RYR2: variants seen among roughly 807,000 people sequenced by gnomAD.
RYR2 encodes the protein ryanodine receptor 2.
RYR2 carries 227 observed loss-of-function variants against 601.1 expected under a neutral mutation model. The ratio of observed to expected loss-of-function variants is 0.38; its 90% CI spans 0.34 to 0.42. The LOEUF is 0.42. RYR2 is among the 10% of genes least tolerant of loss of function. The pLI is 1.00. For missense variants in RYR2, 4,646 were observed against 6,156.5 expected (o/e 0.75, Z 8.21); for synonymous variants, 2,223 against 2,175.1 (o/e 1.02, Z -0.61).
chr1:237,317,290 C>A lies in RYR2; in HGVS notation c.169-13588C>A, dbSNP rs12095128. The stretch of plus-strand genomic sequence containing the variant: ...TAATGGTAAGATCTGTTCAAAGGCA[C>A]GTCAACATGGTCAAAATTAGTTATA... On this transcript the variant is annotated intron_variant, in intron 2 of 104. Transcript: ENST00000366574. Among the ~76,000 whole-genome samples, 108 of 152,286 alleles carry A rather than the reference C, an allele frequency of 7.1e-4. 1 individual carries two copies. The highest frequency in any genetic ancestry group is 2.4e-3 in the African/African-American group (98 of 41,562).
rs150558717 is a variant in RYR2, at chr1:237,244,411, G to T, written c.49-26086G>T. On this transcript the variant is annotated intron_variant, in intron 1 of 104. Coordinates refer to ENST00000366574, the MANE Select transcript of RYR2 (RefSeq NM_001035.3). ...CCCCAAATGGCATGTTCAGAATGGC[G>T]GCTCCATCTGCCCTTCTCTCTATCA... is the stretch of plus-strand genomic sequence containing the variant. Among the ~76,000 whole-genome samples the T allele has an allele frequency of 8.6e-4, 131 of 152,150 alleles. 1 individual carries two copies. Among genetic ancestry groups the T allele is most frequent in the African/African-American group, 3.1e-3 (130 of 41,518 alleles).
intron 10 of RYR2, among the ~76,000 whole-genome samples, chr1:237,391,577 G>A (rs1366390608): frequency 6.6e-6 from 1 of 152,120 alleles, no homozygotes; most frequent in Admixed American, 6.5e-5. Context: ...GGTCATAAAT[G>A]CTGTGTTTCT....
chr1:237,584,324 G>C lies in RYR2; in HGVS notation c.3599-5469G>C, dbSNP rs554471396. Among the ~76,000 whole-genome samples, 11 of 152,212 alleles carry C rather than the reference G, an allele frequency of 7.2e-5. No individual in the cohort carries two copies. The East Asian group carries it at 2.1e-3, about 29-fold the overall frequency. The stretch of plus-strand genomic sequence containing the variant: ...GTGATGTCATTTACCAACCTGTTTT[G>C]TTCAATTTATGCCAAACATTCCATC... On this transcript the variant is annotated intron_variant, in intron 29 of 104. Transcript: ENST00000366574.
At chr1:237,690,318 A>G (rs1032045779) in intron 63 of RYR2, among the ~76,000 whole-genome samples, 1 of 152,178 alleles carries the variant, frequency 6.6e-6, no homozygotes, top group African/African-American at 2.4e-5. Flanking sequence ...TGATTTGGAC[A>G]AGGGACTTAA....
At chr1:237,149,611 G>C (rs751673960) in intron 1 of RYR2, among the ~76,000 whole-genome samples, 3 of 151,492 alleles carry the variant, frequency 2.0e-5, no homozygotes, top group Non-Finnish European at 4.4e-5. Flanking sequence ...GTGGAATGAA[G>C]GCTTTTTTCT....
chr1:237,130,187 C>T (rs533966613), intron 1 of RYR2, among the ~76,000 whole-genome samples: 1 of 151,812 alleles, frequency 6.6e-6, no homozygotes, highest in Non-Finnish European at 1.5e-5. Context: ...TATGTCAAAA[C>T]ATCACGTTGT....
In RYR2 at chr1:237,118,988, T is replaced by G. The variant is rs182489116; in HGVS notation, c.48+76419T>G. 4.1e-3 allele frequency among the ~76,000 whole-genome samples: 627 copies of G among 152,186 alleles called. 3 individuals are homozygous for G. The highest frequency in any genetic ancestry group is 0.015 in the African/African-American group (604 of 41,518). On this transcript the variant is annotated intron_variant, in intron 1 of 104. Transcript: ENST00000366574. ...AAACCATTCTGACTGGGTGAAGAAG[T>G]CTATTTCTAATGTGGGGGGTATGGG... is the stretch of plus-strand genomic sequence containing the variant.
chr1:237,752,497 T>C (rs2149250169), intron 80 of RYR2, among the ~76,000 whole-genome samples: 1 of 151,924 alleles, frequency 6.6e-6, no homozygotes, highest in East Asian at 1.9e-4. Flanking sequence ...GAACCACTCG[T>C]TTTAAACAAA....
At chr1:237,364,397 A>G (rs1355272413) in intron 5 of RYR2, 25 bp downstream of exon 5, 3 of 1,325,508 alleles carry the variant, frequency 2.3e-6, no homozygotes, top group African/African-American at 1.5e-5. Context: ...TATATATGCT[A>G]TGTATATATA....
At chr1:237,531,430 A>G (rs1407034387) in intron 25 of RYR2, among the ~76,000 whole-genome samples, 1 of 152,184 alleles carries the variant, frequency 6.6e-6, no homozygotes, top group Non-Finnish European at 1.5e-5. Flanking sequence ...TTTCTTATTT[A>G]TTTAAACTTA....
chr1:237,638,846 C>A (rs920374778), intron 45 of RYR2, among the ~76,000 whole-genome samples, 169 bp from the exon 46 acceptor site: 2 of 152,120 alleles, frequency 1.3e-5, no homozygotes, highest in African/African-American at 4.8e-5. Context: ...GCAAAATTTA[C>A]TGTGTCTCAT....
chr1:237,608,897 A>C (rs1677470246), intron 35 of RYR2, among the ~76,000 whole-genome samples: 1 of 147,634 alleles, frequency 6.8e-6, no homozygotes, highest in Admixed American at 7.0e-5. Flanking sequence ...ATTGACTTCT[A>C]CTGACATTTT....
intron 29 of RYR2, among the ~76,000 whole-genome samples, chr1:237,582,124 C>T (rs1673976588): frequency 6.6e-6 from 1 of 151,766 alleles, no homozygotes; most frequent in Non-Finnish European, 1.5e-5. Context: ...TTTTTTGAGA[C>T]AGAGTGTTGC....
At chr1:237,798,776 T>TCA (rs72164792) in intron 97 of RYR2, among the ~76,000 whole-genome samples, 1,365 of 135,324 alleles carry the variant, frequency 0.01, 10 homozygotes, top group African/African-American at 0.015. Flanking sequence ...AATTTAAATG[T>TCA]CACACACACA....
At chr1:237,376,033 A>T (rs373752834) in intron 7 of RYR2, among the ~76,000 whole-genome samples, 1 of 152,304 alleles carries the variant, frequency 6.6e-6, no homozygotes, top group South Asian at 2.1e-4. Context: ...CTTCATCAGA[A>T]TTAAACTCAC....
At chr1:237,831,375 A>G (rs1663767441) in intron 103 of RYR2, 139 bp from the exon 104 acceptor site, 1 of 579,820 alleles carries the variant, frequency 1.7e-6, no homozygotes, top group Non-Finnish European at 3.0e-6. Context: ...TGGTACACTA[A>G]TTTTTCCAAA....
rs1667481018 is a variant in RYR2 at position 237,096,141 on chromosome 1, A to C, written c.48+53572A>C. On this transcript the variant is annotated intron_variant, in intron 1 of 104. Transcript: ENST00000366574. The stretch of plus-strand genomic sequence containing the variant: ...TCCTGGATTTCTGGGTGGGAGGAAT[A>C]AAAACCGGATTGGACAGTGTCGTCC... 3.9e-5 allele frequency among the ~76,000 whole-genome samples: 6 copies of C among 152,308 alleles called. No individual in the cohort carries two copies. In the South Asian group the frequency reaches 1.2e-3, roughly 32 times the overall value.
chr1:237,303,361 G>A (rs977116603), intron 2 of RYR2, among the ~76,000 whole-genome samples: 1 of 138,646 alleles, frequency 7.2e-6, no homozygotes, highest in East Asian at 2.1e-4. Flanking sequence ...GTGCAGTGGT[G>A]CAATGTCAGC....
intron 7 of RYR2, 134 bp downstream of exon 7, chr1:237,374,929 GT>G: frequency 3.0e-6 from 2 of 675,678 alleles, no homozygotes; most frequent in Non-Finnish European, 2.5e-6. Context: ...TCTAATGAAA[GT>G]TTTTCCTAGA....
Sources: gnomAD v4.1 joint callset for allele counts (sites outside exome capture counted in the v4.1 genomes callset) on GRCh38, gnomAD v4.1.1 for gene constraint, MANE v1.5 for transcripts, NCBI Gene and HGNC (gene_info 2026-07-23, HGNC 2026-07-21) for gene names.